The following ZFR2 variants were observed in gnomAD, a reference collection of about 807,000 sequenced individuals.
The protein encoded by ZFR2 is zinc finger RNA-binding protein 2.
Under a neutral mutation model 105.7 loss-of-function variants are expected in ZFR2, and 104 were observed. The ratio of observed to expected loss-of-function variants is 0.98; its 90% CI spans 0.84 to 1.16. The LOEUF (loss-of-function observed/expected upper bound fraction) is 1.16. ZFR2 is among the 50% of genes most tolerant of loss of function. The probability of loss-of-function intolerance (pLI) is 0.00; values close to 1 mark genes in which losing one functional copy is unlikely to be tolerated. For missense variants in ZFR2, 1,425 were observed against 1,355.5 expected, an observed-to-expected ratio of 1.05 and a Z score of -0.80; for synonymous variants, 634 against 597.7, an observed-to-expected ratio of 1.06 and a Z score of -0.89.
chr19:3,811,304 G>C lies in ZFR2; in HGVS notation c.2305C>G (p.Leu769Val). 1 of 1,603,992 alleles carries C rather than the reference G, an allele frequency of 6.2e-7. No individual in the cohort carries two copies. The highest frequency in any genetic ancestry group is 8.5e-7 in the Non-Finnish European group (1 of 1,176,044). ...VLSPKKCLES[L>V]AALRHARWFQ... ...CACCTGGCATGACGGAGGGCGGCCA[G>C]GGACTCGAGGCACTTCTTGGGGCTC... Residue 769 changes from leucine to valine, a missense_variant, in exon 15 of 19, where the codon CTG becomes GTG. Transcript: ENST00000262961.
At chr19:3,837,869 C>T (rs909551508) in intron 1 of ZFR2, among the ~76,000 whole-genome samples, 2 of 151,934 alleles carry the variant, frequency 1.3e-5, no homozygotes, top group African/African-American at 4.8e-5. Context: ...ATGATTGTGA[C>T]ATTTGAACAC....
At chr19:3,812,468 C>G (rs1468297) in intron 14 of ZFR2, among the ~76,000 whole-genome samples, 132,219 of 152,036 alleles carry the variant, frequency 0.87, 58,831 homozygotes, top group East Asian at 0.98. Flanking sequence ...AGGAAGTGCA[C>G]TTTCCTGGGG....
In ZFR2 at chr19:3,806,129, C is replaced by T. The variant is rs796628733; in HGVS notation, c.2644-4G>A. ...AGGCCAGCATTCGCAGGGCGTGCTGCGGGGCACACACAGCCTGTCAGGACC... is the reference window on the plus strand; with the variant it reads ...AGGCCAGCATTCGCAGGGCGTGCTGTGGGGCACACACAGCCTGTCAGGACC... On this transcript the variant is annotated splice_region_variant and splice_polypyrimidine_tract_variant and intron_variant, in intron 18 of 18. Transcript: ENST00000262961. 49 of 1,438,438 alleles carry T rather than the reference C, an allele frequency of 3.4e-5. No individual in the cohort carries two copies. The highest frequency in any genetic ancestry group is 1.8e-4 in the Middle Eastern group (1 of 5,528). 89.1% of individuals were successfully genotyped at this position (1,438,438 alleles called of 1,614,324 possible).
intron 5 of ZFR2, 93 bp downstream of exon 5, chr19:3,831,210 G>A (rs1209309644): frequency 1.3e-5 from 19 of 1,423,340 alleles, no homozygotes; most frequent in East Asian, 2.5e-5. Context: ...AGCAGGCAGC[G>A]ACCCTGACCA....
intron 1 of ZFR2, among the ~76,000 whole-genome samples, chr19:3,856,560 C>T (rs1296696037): frequency 1.3e-5 from 2 of 152,130 alleles, no homozygotes; most frequent in Non-Finnish European, 2.9e-5. Flanking sequence ...AACATTCTCT[C>T]CATCCCTCCC....
intron 14 of ZFR2, among the ~76,000 whole-genome samples, chr19:3,812,090 C>T (rs578161966): frequency 1.4e-4 from 22 of 152,110 alleles, no homozygotes; most frequent in East Asian, 9.7e-4. Flanking sequence ...ATTACCGGCG[C>T]ACGCCACCAC....
At chr19:3,818,858 G>T (rs2037853756) in intron 12 of ZFR2, among the ~76,000 whole-genome samples, 187 bp downstream of exon 12, 2 of 152,266 alleles carry the variant, frequency 1.3e-5, no homozygotes, top group South Asian at 4.1e-4. Context: ...AACCAGCCTC[G>T]TTCAGTGCCG....
intron 6 of ZFR2, among the ~76,000 whole-genome samples, chr19:3,826,043 G>A (rs1406583247): frequency 6.6e-6 from 1 of 152,054 alleles, no homozygotes; most frequent in Non-Finnish European, 1.5e-5. Flanking sequence ...CCCACAACGG[G>A]CAGCAGGGCC....
chr19:3,805,796 C>A lies in ZFR2; in HGVS notation c.*153G>T, dbSNP rs1181377932. On this transcript the variant is annotated 3_prime_UTR_variant, in exon 19 of 19. Coordinates refer to ENST00000262961, the MANE Select transcript of ZFR2 (RefSeq NM_015174.2). ...AAAGGCATGAGCCACAGTGCCCGGT[C>A]TGAAGCACAGGTGTTTTAAAGGAAA... 5 of 941,676 alleles carry A rather than the reference C, an allele frequency of 5.3e-6. No individual in the cohort carries two copies. Among genetic ancestry groups the A allele is most frequent in the Middle Eastern group, 3.5e-4 (1 of 2,856 alleles). 58.3% of individuals were successfully genotyped at this position (941,676 alleles called of 1,614,324 possible).
Position 3,823,382 on chromosome 19 carries a change from G to A in ZFR2, c.1235C>T (p.Ala412Val). The change falls in exon 8 of 19, where the codon GCA becomes GTA. Residue 412 changes from alanine to valine, a missense_variant. Coordinates refer to ENST00000262961, the MANE Select transcript of ZFR2 (RefSeq NM_015174.2). The surrounding 1 kb of genome is among the most constrained non-coding windows in gnomAD (Gnocchi z 5.4). ...LCEGPPEPQA[A>V]GCRPQWGKPA... ...TTTCCCCCACTGGGGTCTGCAGCCTGCTGCCTGTGGCTCAGGAGGCCCTGA... is the reference window on the plus strand; with the variant it reads ...TTTCCCCCACTGGGGTCTGCAGCCTACTGCCTGTGGCTCAGGAGGCCCTGA... The A allele has an allele frequency of 1.2e-6, 2 of 1,610,976 alleles. No homozygotes were observed. Among genetic ancestry groups the A allele is most frequent in the Non-Finnish European group, 1.7e-6 (2 of 1,178,366 alleles).
At chr19:3,816,952 G>A (rs1302570856) in intron 12 of ZFR2, 107 bp from the exon 13 acceptor site, 12 of 1,052,514 alleles carry the variant, frequency 1.1e-5, no homozygotes, top group African/African-American at 1.6e-5. Flanking sequence ...GAGCCTCTCT[G>A]TGCCTCGGCA....
rs2037796016 is a variant in ZFR2 at position 3,813,739 on chromosome 19, C to T, written c.2242+81G>A. ...ATTTCCTGCTCAGGGCAGAGGCGGACGCTGCCCCAGGCCTGGGTGTGGGGA... is the reference window on the plus strand; with the variant it reads ...ATTTCCTGCTCAGGGCAGAGGCGGATGCTGCCCCAGGCCTGGGTGTGGGGA... On this transcript the variant is annotated intron_variant, in intron 14 of 18. Coordinates refer to ENST00000262961, the MANE Select transcript of ZFR2 (RefSeq NM_015174.2). The surrounding 1 kb of genome is among the most constrained non-coding windows in gnomAD (Gnocchi z 4.4). 3.2e-6 allele frequency: 5 copies of T among 1,572,708 alleles called. No homozygotes were observed. Among genetic ancestry groups the T allele is most frequent in the Admixed American group, 1.8e-5 (1 of 56,892 alleles).
intron 12 of ZFR2, among the ~76,000 whole-genome samples, chr19:3,818,648 CAG>C (rs1311421471): frequency 6.6e-6 from 1 of 152,192 alleles, no homozygotes; most frequent in Non-Finnish European, 1.5e-5. Context: ...CACGGGCACT[CAG>C]TGACATGAAC....
chr19:3,863,731 G>A lies in ZFR2; in HGVS notation c.53+5234C>T, dbSNP rs75009476. Among the ~76,000 whole-genome samples, 170 of 152,302 alleles carry A rather than the reference G, an allele frequency of 1.1e-3. 1 individual carries two copies. Among genetic ancestry groups the A allele is most frequent in the South Asian group, 3.5e-3 (17 of 4,826 alleles). On this transcript the variant is annotated intron_variant, in intron 1 of 18. Coordinates refer to ENST00000262961, the MANE Select transcript of ZFR2 (RefSeq NM_015174.2). ...CCACAGGCGCAACCTCTAAGCTGAC[G>A]TGGTCAGGGCTGGGTTCCACACCAC...
chr19:3,821,735 T>C (rs2037895986), intron 9 of ZFR2, among the ~76,000 whole-genome samples: 1 of 147,494 alleles, frequency 6.8e-6, no homozygotes, highest in African/African-American at 2.5e-5. Flanking sequence ...TGCCTCAGCC[T>C]CCCGAGTAGC....
Position 3,808,872 on chromosome 19 carries a change from C to T in ZFR2, c.2545G>A (p.Asp849Asn), listed in dbSNP as rs1279881469. The T allele has an allele frequency of 6.5e-7, 1 of 1,546,526 alleles. No homozygotes were observed. ...ECVATGTLLT[D>N]GPGLQDPCER... ...TGGGCCCTCCGGCCCAGCGACTGAC[C>T]TGTCAGGAGCGTCCCTGTGGCCACG... is the stretch of plus-strand genomic sequence containing the variant. Residue 849 changes from aspartate (D) to asparagine (N), a missense_variant and splice_region_variant, in exon 17 of 19, where the codon GAC (aspartate) becomes AAC (asparagine). By Grantham distance (23) the Asp-to-Asn change is conservative. Coordinates refer to ENST00000262961, the MANE Select transcript of ZFR2 (RefSeq NM_015174.2).
chr19:3,810,171 G>C (rs919485565), intron 16 of ZFR2, among the ~76,000 whole-genome samples: 1 of 152,192 alleles, frequency 6.6e-6, no homozygotes, highest in Non-Finnish European at 1.5e-5. Context: ...CCGCAGGGCG[G>C]GGGGGAGGCC....
At chr19:3,832,829 G>A (rs1307791349) in intron 3 of ZFR2, among the ~76,000 whole-genome samples, 1 of 151,308 alleles carries the variant, frequency 6.6e-6, no homozygotes, top group African/African-American at 2.4e-5. Context: ...GTAGAGACGG[G>A]GGTCTTACTA....
Position 3,822,378 on chromosome 19 carries a change from T to C in ZFR2, c.1372-178A>G, listed in dbSNP as rs147338359. Among the ~76,000 whole-genome samples, 254 of 150,802 alleles carry C rather than the reference T, an allele frequency of 1.7e-3. 1 individual carries two copies. The highest frequency in any genetic ancestry group is 5.5e-3 in the African/African-American group (228 of 41,234). On this transcript the variant is annotated intron_variant, in intron 8 of 18. Transcript: ENST00000262961. ...GCTGGAGTGGAGTACAGTGGCTCGG[T>C]CTTGGCTCACTGCAGCCTCAAACTC...
Sources: gnomAD v4.1 joint callset for allele counts (sites outside exome capture counted in the v4.1 genomes callset) on GRCh38, gnomAD v4.1.1 for gene constraint, Gnocchi (gnomAD v3.1) non-coding constraint, MANE v1.5 for transcripts, NCBI Gene and HGNC (gene_info 2026-07-23, HGNC 2026-07-21) for gene names.